PTPRD: variants seen among roughly 807,000 people sequenced by gnomAD.
PTPRD encodes protein tyrosine phosphatase receptor type D.
A neutral mutation model predicts 214.5 loss-of-function variants in PTPRD; 34 were observed. That is an observed-to-expected ratio of 0.16 (90% CI 0.12 to 0.21). The LOEUF (loss-of-function observed/expected upper bound fraction) is 0.21. Among genes scored for constraint, PTPRD ranks in the 10% least tolerant of loss-of-function variants. The pLI, the probability that PTPRD is intolerant of heterozygous loss-of-function variation, is 1.00. For missense variants in PTPRD, 2,545 were observed against 2,398.7 expected (o/e 1.06, Z -1.27); for synonymous variants, 1,128 against 845.7 (o/e 1.33, Z -5.79).
At chr9:8,503,744 G>C (rs781365278) in intron 23 of PTPRD, among the ~76,000 whole-genome samples, 1 of 152,060 alleles carries the variant, frequency 6.6e-6, no homozygotes, top group Non-Finnish European at 1.5e-5. Context: ...ATTTCCACAG[G>C]TACTACACAC....
intron 4 of PTPRD, among the ~76,000 whole-genome samples, chr9:9,972,950 T>C (rs747847050): frequency 2.0e-5 from 3 of 152,172 alleles, no homozygotes; most frequent in Non-Finnish European, 4.4e-5. Flanking sequence ...TAAGGTAGCA[T>C]ATTCACAGGT....
intron 11 of PTPRD, among the ~76,000 whole-genome samples, chr9:9,012,049 T>C (rs2099513966): frequency 6.6e-6 from 1 of 152,180 alleles, no homozygotes; most frequent in Non-Finnish European, 1.5e-5. Context: ...CCTTTCTGAC[T>C]TTAAAGAAGC....
chr9:8,622,464 CTG>C (rs1396992571), intron 14 of PTPRD, among the ~76,000 whole-genome samples: 1 of 151,940 alleles, frequency 6.6e-6, no homozygotes, highest in East Asian at 1.9e-4. Context: ...AGCTGAATTA[CTG>C]TGAGAGCACT....
At chr9:10,304,702 G>C (rs1344919829) in intron 3 of PTPRD, among the ~76,000 whole-genome samples, 1 of 152,054 alleles carries the variant, frequency 6.6e-6, no homozygotes, top group African/African-American at 2.4e-5. Context: ...AACTTACAAG[G>C]TATGTGAAAA....
At chr9:8,358,755 C>T (rs1393761747) in intron 39 of PTPRD, among the ~76,000 whole-genome samples, 1 of 151,934 alleles carries the variant, frequency 6.6e-6, no homozygotes, top group Non-Finnish European at 1.5e-5. Context: ...TAGACTTCTA[C>T]TAATAAATTT....
At chr9:9,031,095 C>T (rs1002603940) in intron 10 of PTPRD, among the ~76,000 whole-genome samples, 2 of 151,840 alleles carry the variant, frequency 1.3e-5, no homozygotes, top group African/African-American at 4.8e-5. Flanking sequence ...ACTTGATGAC[C>T]ATCTTGGTAG....
intron 14 of PTPRD, among the ~76,000 whole-genome samples, chr9:8,595,482 G>A (rs2094431741): frequency 1.3e-5 from 2 of 152,022 alleles, no homozygotes; most frequent in South Asian, 4.2e-4. Flanking sequence ...AGCCATGAGT[G>A]GAGAAAAACA....
intron 12 of PTPRD, among the ~76,000 whole-genome samples, chr9:8,730,443 T>A (rs2098644482): frequency 2.0e-5 from 3 of 151,698 alleles, no homozygotes; most frequent in African/African-American, 7.3e-5. Flanking sequence ...CTCTACAATT[T>A]AAAAAAAATG....
At chr9:8,664,036 T>C (rs2097123481) in intron 12 of PTPRD, among the ~76,000 whole-genome samples, 1 of 152,172 alleles carries the variant, frequency 6.6e-6, no homozygotes, top group Non-Finnish European at 1.5e-5. Context: ...AGTCTTTTCA[T>C]TATCTCTACC....
intron 10 of PTPRD, among the ~76,000 whole-genome samples, chr9:9,063,740 C>T (rs985365357): frequency 5.3e-5 from 8 of 152,082 alleles, no homozygotes; most frequent in African/African-American, 1.9e-4. Flanking sequence ...GTTTAATGAA[C>T]ACTAGTATGC....
chr9:8,421,841 C>CT (rs532420315), intron 35 of PTPRD, among the ~76,000 whole-genome samples: 32,862 of 148,574 alleles, frequency 0.22, 4,260 homozygotes, highest in East Asian at 0.53. Context: ...ATTCACTGAA[C>CT]TTTTTTTTTT....
chr9:9,217,194 T>G (rs968625558), intron 9 of PTPRD, among the ~76,000 whole-genome samples: 1 of 152,074 alleles, frequency 6.6e-6, no homozygotes, highest in African/African-American at 2.4e-5. Context: ...CTCTTCCTAA[T>G]GTTGGGGATC....
At chr9:8,927,635 C>T (rs1467265306) in intron 11 of PTPRD, among the ~76,000 whole-genome samples, 2 of 152,132 alleles carry the variant, frequency 1.3e-5, no homozygotes, top group Non-Finnish European at 2.9e-5. Context: ...GGTTCCAAGT[C>T]TTTGCTATTG....
rs145712018 is a variant in PTPRD at position 9,651,917 on chromosome 9, T to C, written c.-286-77136A>G. Among the ~76,000 whole-genome samples, 1,142 of 147,312 alleles carry C rather than the reference T, an allele frequency of 7.8e-3. 13 individuals carry two copies. The highest frequency in any genetic ancestry group is 0.028 in the African/African-American group (1,106 of 39,988). ...TGGAGCGATCTTGGCTCACTGCAAG[T>C]TCCGTCTCCTGGGTTCACACCATTC... On this transcript the variant is annotated intron_variant, in intron 7 of 45. Transcript: ENST00000381196.
At chr9:9,298,477 A>G (rs1390752744) in intron 9 of PTPRD, among the ~76,000 whole-genome samples, 1 of 151,804 alleles carries the variant, frequency 6.6e-6, no homozygotes, top group African/African-American at 2.4e-5. Context: ...ATAGGGTAAG[A>G]TACTGGCTTA....
At chr9:9,352,802 C>A (rs938554235) in intron 9 of PTPRD, among the ~76,000 whole-genome samples, 3 of 151,896 alleles carry the variant, frequency 2.0e-5, no homozygotes, top group Non-Finnish European at 4.4e-5. Context: ...GAAGAAGATT[C>A]TCTTCTTAAA....
At chr9:8,931,290 T>C (rs201350281) in intron 11 of PTPRD, among the ~76,000 whole-genome samples, 52 of 151,908 alleles carry the variant, frequency 3.4e-4, no homozygotes, top group African/African-American at 1.2e-3. Flanking sequence ...GGTATTATTT[T>C]TGAGGGCTCT....
chr9:10,419,132 C>T (rs1352253107), intron 2 of PTPRD, among the ~76,000 whole-genome samples: 1 of 151,830 alleles, frequency 6.6e-6, no homozygotes, highest in Non-Finnish European at 1.5e-5. Context: ...GACAAAACTT[C>T]ATAGCAATAA....
At chr9:9,675,171 C>A (rs567879679) in intron 7 of PTPRD, among the ~76,000 whole-genome samples, 3 of 152,032 alleles carry the variant, frequency 2.0e-5, no homozygotes, top group East Asian at 3.9e-4. Flanking sequence ...AATCTGTATA[C>A]GTTTAAATAC....
Sources: gnomAD v4.1 joint callset for allele counts (sites outside exome capture counted in the v4.1 genomes callset) on GRCh38, gnomAD v4.1.1 for gene constraint, MANE v1.5 for transcripts, NCBI Gene and HGNC (gene_info 2026-07-23, HGNC 2026-07-21) for gene names.